The following NAA11 variants were observed in gnomAD, a reference collection of about 807,000 sequenced individuals.
The protein encoded by NAA11 is N-alpha-acetyltransferase 11.
A neutral mutation model predicts 16.1 loss-of-function variants in NAA11; 15 were observed. The ratio of observed to expected loss-of-function variants is 0.93; its 90% confidence interval spans 0.62 to 1.44. The LOEUF (loss-of-function observed/expected upper bound fraction) is 1.44, where lower values mean the gene tolerates loss of function less well. Ranked by LOEUF, NAA11 falls within the 40% of genes most tolerant of loss-of-function variation. NAA11 has a pLI of 0.00. For synonymous variants in NAA11, 122 were observed against 112.4 expected (o/e 1.09, Z -0.54); for missense variants, 298 against 291.3 (o/e 1.02, Z -0.17).
chr4:79,173,351 T>C, the NAA11 span, among the ~76,000 whole-genome samples: 6 of 152,092 alleles, frequency 3.9e-5, no homozygotes, highest in Admixed American at 6.6e-5. Context: ...ACTCTACGGT[T>C]GGCACCACAT....
chr4:79,282,722 CAAG>C (rs1722822154), intron 2 of NAA11, among the ~76,000 whole-genome samples: 1 of 151,984 alleles, frequency 6.6e-6, no homozygotes, highest in South Asian at 2.1e-4. Flanking sequence ...GTGGAAATGT[CAAG>C]AGGTCAATTG....
chr4:79,279,036 G>A (rs1722729572), intron 2 of NAA11, among the ~76,000 whole-genome samples: 3 of 151,782 alleles, frequency 2.0e-5, no homozygotes, highest in African/African-American at 7.3e-5. Context: ...ATGAGGGTAG[G>A]GCCCTCATGA....
chr4:79,229,596 G>A lies in NAA11; in HGVS notation c.*123-3326C>T, dbSNP rs78084148. On this transcript the variant is annotated intron_variant and NMD_transcript_variant, in intron 2 of 2. Transcript: ENST00000511542. The stretch of plus-strand genomic sequence containing the variant: ...TTTCACTCTGCTTTTACTCACCACT[G>A]GATCCAGCTTTGAGGGTTTCAGTGA... Among the ~76,000 whole-genome samples the A allele has an allele frequency of 8.8e-3, 1,330 of 151,912 alleles. 25 individuals are homozygous for A. The highest frequency in any genetic ancestry group is 0.03 in the African/African-American group (1,262 of 41,470).
At position 79,309,993 on chromosome 4, in the gene NAA11, G is replaced by A. The variant is rs541018027; in HGVS notation, c.*12+15183C>T. On this transcript the variant is annotated intron_variant and NMD_transcript_variant, in intron 1 of 2. Coordinates refer to the NAA11 transcript ENST00000511542. ...GCCTCCCAAAGTGCTGGGATTACAGGCGTGAGCCACCGCACCCTGCCTATT... is the reference window on the plus strand; with the variant it reads ...GCCTCCCAAAGTGCTGGGATTACAGACGTGAGCCACCGCACCCTGCCTATT... Among the ~76,000 whole-genome samples, 11 of 152,226 alleles carry A rather than the reference G, an allele frequency of 7.2e-5. No individual in the cohort carries two copies. The South Asian group carries it at 1.2e-3, about 17-fold the overall frequency.
intron 2 of NAA11, among the ~76,000 whole-genome samples, chr4:79,268,265 T>A (rs1376029427): frequency 1.3e-5 from 2 of 152,168 alleles, no homozygotes; most frequent in Non-Finnish European, 2.9e-5. Context: ...AGTAGTTTAT[T>A]TAACATCAAT....
chr4:79,299,549 A>G (rs1307865131), intron 1 of NAA11: 1 of 152,226 alleles, frequency 6.6e-6, no homozygotes, highest in Admixed American at 6.5e-5. Flanking sequence ...TTATTAAAAA[A>G]GGTTTTTTAT....
intron 2 of NAA11, among the ~76,000 whole-genome samples, chr4:79,247,377 C>G (rs1041310910): frequency 5.3e-5 from 8 of 152,142 alleles, no homozygotes; most frequent in African/African-American, 1.9e-4. Flanking sequence ...TTTCAGTTTT[C>G]CCTGTATTGG....
At chr4:79,229,637 T>C (rs993933932) in intron 2 of NAA11, among the ~76,000 whole-genome samples, 8 of 151,936 alleles carry the variant, frequency 5.3e-5, no homozygotes, top group Non-Finnish European at 1.0e-4. Context: ...TGGTCTGTAT[T>C]TAATAATAAT....
At chr4:79,316,100 G>C (rs1480111141), downstream of NAA11, among the ~76,000 whole-genome samples, 1 of 152,118 alleles carries the variant, frequency 6.6e-6, no homozygotes, top group Middle Eastern at 3.2e-3. Flanking sequence ...GTAAGCTGAG[G>C]CTACTCCTTC....
intron 2 of NAA11, among the ~76,000 whole-genome samples, chr4:79,281,448 C>T (rs932933381): frequency 5.3e-5 from 8 of 151,754 alleles, no homozygotes; most frequent in African/African-American, 1.7e-4. Context: ...GTAATTTATC[C>T]ATTAATTTTA....
chr4:79,211,608 TCTC>T, the NAA11 span: 1 of 152,134 alleles, frequency 6.6e-6, no homozygotes, highest in Admixed American at 6.6e-5. Flanking sequence ...AGAGTTCTGT[TCTC>T]CTCCCTATTC....
intron 1 of NAA11, among the ~76,000 whole-genome samples, chr4:79,300,927 T>C (rs1195278574): frequency 6.6e-6 from 1 of 152,154 alleles, no homozygotes; most frequent in East Asian, 1.9e-4. Flanking sequence ...AGAAGTGAGA[T>C]GAAAGGGATG....
At chr4:79,302,998 C>A (rs541213176) in intron 1 of NAA11, among the ~76,000 whole-genome samples, 1 of 149,294 alleles carries the variant, frequency 6.7e-6, no homozygotes, top group South Asian at 2.1e-4. Context: ...AAAATATACA[C>A]CCAAAGTAAT....
intron 1 of NAA11, among the ~76,000 whole-genome samples, chr4:79,301,874 A>T (rs964618107): frequency 5.9e-5 from 9 of 152,228 alleles, no homozygotes; most frequent in African/African-American, 2.2e-4. Flanking sequence ...AAGAGGTTTA[A>T]CATTATTTTG....
At chr4:79,260,209 A>G (rs1368577123) in intron 2 of NAA11, among the ~76,000 whole-genome samples, 1 of 152,204 alleles carries the variant, frequency 6.6e-6, no homozygotes, top group Non-Finnish European at 1.5e-5. Context: ...CCAGTAACAC[A>G]TACATTGTGT....
intron 2 of NAA11, among the ~76,000 whole-genome samples, chr4:79,256,149 C>G (rs566097274): frequency 6.6e-6 from 1 of 152,056 alleles, no homozygotes. Context: ...TTTATTTGCC[C>G]CAGGTATTCC....
the NAA11 span, among the ~76,000 whole-genome samples, chr4:79,189,288 C>T: frequency 2.0e-5 from 3 of 151,716 alleles, no homozygotes; most frequent in African/African-American, 4.8e-5. Context: ...ATCAAGCTAA[C>T]GGATCCAAAG....
chr4:79,193,885 C>A, the NAA11 span, among the ~76,000 whole-genome samples: 12 of 151,996 alleles, frequency 7.9e-5, no homozygotes, highest in Non-Finnish European at 1.3e-4. Context: ...ATTTGTTTGT[C>A]TCTTCTTTTA....
At chr4:79,310,220 C>CA (rs1299915076) in intron 1 of NAA11, among the ~76,000 whole-genome samples, 1 of 152,086 alleles carries the variant, frequency 6.6e-6, no homozygotes, top group Admixed American at 6.5e-5. Context: ...ATCTTTCTGC[C>CA]AAAAAATAAT....
Sources: allele counts gnomAD v4.1 joint callset (sites outside exome capture counted in the v4.1 genomes callset), GRCh38; gene constraint gnomAD v4.1.1; transcripts MANE v1.5; gene names NCBI Gene and HGNC (gene_info 2026-07-23, HGNC 2026-07-21).